PODN: variants seen among roughly 807,000 people sequenced by gnomAD.
PODN encodes podocan proteoglycan.
In PODN, 40 loss-of-function variants were observed where a neutral mutation model predicts 52.7. That is an observed-to-expected ratio of 0.76 (90% CI 0.59 to 0.99). PODN has a LOEUF of 0.99. PODN is among the 50% of genes least tolerant of loss of function. The pLI, the probability that PODN is intolerant of heterozygous loss-of-function variation, is 0.00. For synonymous variants in PODN, 396 were observed against 377.9 expected (o/e 1.05, Z -0.56); for missense variants, 720 against 815.1 (o/e 0.88, Z 1.42).
chr1:53,063,393 C>T, intron 1 of PODN: 1 of 985,826 alleles, frequency 1.0e-6, no homozygotes. Flanking sequence ...GTGGTCTGCC[C>T]TGCTCCACGA....
At chr1:53,073,618 T>C (rs1251098061) in intron 3 of PODN, 1 of 152,242 alleles carries the variant, frequency 6.6e-6, no homozygotes, top group African/African-American at 2.4e-5. Context: ...GATTTTTTTT[T>C]CCTGATGACG....
In PODN at chr1:53,080,445, G is replaced by A. The variant is rs181274140; in HGVS notation, c.1513-283G>A. On this transcript the variant is annotated intron_variant, in intron 8 of 10. Transcript: ENST00000312553. Reference sequence around the variant, plus strand: ...TCTTGGCTGTGGGTTTATGTGGGAAGGCACAAGAAGCTGGGTAGGACGTTC... The same window carrying A: ...TCTTGGCTGTGGGTTTATGTGGGAAAGCACAAGAAGCTGGGTAGGACGTTC... Among the ~76,000 whole-genome samples, 369 of 152,334 alleles carry A rather than the reference G, an allele frequency of 2.4e-3. 1 individual carries two copies. Among genetic ancestry groups the A allele is most frequent in the Middle Eastern group, 0.017 (5 of 294 alleles).
At chr1:53,065,324 C>G (rs1310682931) in intron 1 of PODN, among the ~76,000 whole-genome samples, 5 of 152,058 alleles carry the variant, frequency 3.3e-5, no homozygotes, top group African/African-American at 9.7e-5. Flanking sequence ...CTACTGCAGT[C>G]CAGCCTGGGT....
At chr1:53,071,258 G>T in intron 2 of PODN, 1 of 329,182 alleles carries the variant, frequency 3.0e-6, no homozygotes, top group Non-Finnish European at 5.5e-6. Flanking sequence ...GCCTGGAGGA[G>T]ATAGCATGTC....
chr1:53,078,333 T>C, intron 7 of PODN, 32 bp from the exon 8 acceptor site: 1 of 1,580,214 alleles, frequency 6.3e-7, no homozygotes. Flanking sequence ...TGTGGGCTCT[T>C]GCCAACCGTC....
At chr1:53,080,925 G>T in intron 9 of PODN, 49 bp downstream of exon 9, 1 of 1,601,530 alleles carries the variant, frequency 6.2e-7, no homozygotes, top group Non-Finnish European at 8.5e-7. Context: ...GGCCCACCCT[G>T]GCTCCAACGG....
chr1:53,070,927 C>T (rs879788307), intron 2 of PODN: 1 of 152,826 alleles, frequency 6.5e-6, no homozygotes, highest in Non-Finnish European at 1.5e-5. Flanking sequence ...CACTGGGCCT[C>T]TGGTCCTGTG....
At chr1:53,063,520 CA>C (rs1643990219) in intron 1 of PODN, 1 of 985,436 alleles carries the variant, frequency 1.0e-6, no homozygotes, top group African/African-American at 1.7e-5. Context: ...TCATGGTGAG[CA>C]AGGAGGCCGG....
intron 1 of PODN, among the ~76,000 whole-genome samples, chr1:53,066,358 A>AG (rs1295201056): frequency 6.6e-6 from 1 of 152,216 alleles, no homozygotes; most frequent in African/African-American, 2.4e-5. Context: ...TCAAAATATT[A>AG]TCATGTAATC....
At chr1:53,080,091 G>A (rs1288393) in intron 8 of PODN, among the ~76,000 whole-genome samples, 82,553 of 151,160 alleles carry the variant, frequency 0.55, 26,078 homozygotes, top group Non-Finnish European at 0.72. Flanking sequence ...TGGCTTCAGC[G>A]GCTCCCTGTG....
Position 53,062,273 on chromosome 1 carries a change from G to A in PODN, c.-91G>A. ...AGCTGAGACTGGGGGAGCGCGTTCG[G>A]CCTGTGGGGCGCCGCTCGGCGCCGG... is the stretch of plus-strand genomic sequence containing the variant. On this transcript the variant is annotated 5_prime_UTR_variant, in exon 1 of 11. Coordinates refer to ENST00000312553, the MANE Select transcript of PODN (RefSeq NM_153703.5). 3.9e-6 allele frequency: 5 copies of A among 1,268,978 alleles called. No homozygotes were observed. Among genetic ancestry groups the A allele is most frequent in the Non-Finnish European group, 5.0e-6 (5 of 1,000,448 alleles). The allele number at this position is 1,268,978 out of a possible 1,614,324, so 78.6% of individuals were successfully genotyped here.
chr1:53,077,070 T>C (rs1445949704), intron 5 of PODN, 120 bp from the exon 6 acceptor site: 11 of 1,280,820 alleles, frequency 8.6e-6, no homozygotes, highest in Non-Finnish European at 1.2e-5. Flanking sequence ...CTTCTAACTC[T>C]GTACCCTTGA....
chr1:53,066,684 T>A (rs760285115), intron 1 of PODN: 263 of 771,826 alleles, frequency 3.4e-4, no homozygotes, highest in Admixed American at 1.9e-4. Flanking sequence ...GAGCTCAGCT[T>A]TGCCACTTAA....
intron 10 of PODN, among the ~76,000 whole-genome samples, chr1:53,083,905 AG>A (rs1302791571): frequency 6.6e-6 from 1 of 151,920 alleles, no homozygotes; most frequent in Non-Finnish European, 1.5e-5. Flanking sequence ...TAGCCGTGGG[AG>A]GGGCTGCCGG....
chr1:53,065,995 C>CTTTTT lies in PODN; in HGVS notation c.-56+3703_-56+3707dup, dbSNP rs780284767. On this transcript the variant is annotated intron_variant, in intron 1 of 10. Coordinates refer to ENST00000312553, the MANE Select transcript of PODN (RefSeq NM_153703.5). ...ATGCAATGCAAAATTTTCTAGAGGT[C>CTTTTT]TTTTTTTTTTTTTTTTTTTTGAGAC... Among the ~76,000 whole-genome samples the CTTTTT allele has an allele frequency of 3.6e-3, 413 of 115,266 alleles. 18 individuals are homozygous for CTTTTT. Among genetic ancestry groups the CTTTTT allele is most frequent in the African/African-American group, 0.01 (272 of 27,054 alleles). 75.6% of individuals were successfully genotyped at this position (115,266 alleles called of 152,430 possible).
intron 1 of PODN, among the ~76,000 whole-genome samples, chr1:53,068,654 A>G (rs746244059): frequency 3.5e-4 from 54 of 152,252 alleles, no homozygotes; most frequent in Non-Finnish European, 6.3e-4. Flanking sequence ...AGGCTCAGCA[A>G]GGTCAGAGGT....
In PODN at chr1:53,082,124, A is replaced by G. The variant is rs1485149977; in HGVS notation, c.1805A>G (p.Glu602Gly). The part of the protein sequence containing the change: ...RGRLGKEKEE[E>G]EEEEEEEEET... ...CGCTTGGGGAAGGAAAAGGAGGAGG[A>G]GGAAGAGGAGGAGGAGGAGGAAGAG... Residue 602 changes from glutamate (E) to glycine (G), a missense_variant, in exon 10 of 11, where the codon GAG becomes GGG. Transcript: ENST00000312553. The G allele has an allele frequency of 1.2e-6, 2 of 1,611,716 alleles. No homozygotes were observed. The highest frequency in any genetic ancestry group is 1.7e-6 in the Non-Finnish European group (2 of 1,179,524).
At chr1:53,077,857 C>T in intron 7 of PODN, 57 bp downstream of exon 7, 3 of 1,439,188 alleles carry the variant, frequency 2.1e-6, no homozygotes, top group Non-Finnish European at 2.9e-6. Flanking sequence ...GAAGCTCCTT[C>T]AGGGCCAACC....
At chr1:53,083,403 G>A (rs1644322135) in intron 10 of PODN, among the ~76,000 whole-genome samples, 1 of 152,184 alleles carries the variant, frequency 6.6e-6, no homozygotes, top group Non-Finnish European at 1.5e-5. Flanking sequence ...AGGCTGGCCT[G>A]GAGGGGGAGT....
Sources: gnomAD v4.1 joint callset for allele counts (sites outside exome capture counted in the v4.1 genomes callset) on GRCh38, gnomAD v4.1.1 for gene constraint, MANE v1.5 for transcripts, NCBI Gene and HGNC (gene_info 2026-07-23, HGNC 2026-07-21) for gene names.